DLEU7: variants seen among roughly 807,000 people sequenced by gnomAD.
DLEU7 encodes leukemia-associated protein 7.
A neutral mutation model predicts 16.0 loss-of-function variants in DLEU7; 17 were observed. The observed-to-expected ratio is 1.06, with a 90% CI of 0.73 to 1.59. DLEU7 has a LOEUF of 1.59. Among genes scored for constraint, DLEU7 ranks in the 40% most tolerant of loss-of-function variants. DLEU7 has a pLI of 0.00. For missense variants in DLEU7, 308 were observed against 314.9 expected (o/e 0.98, Z 0.17); for synonymous variants, 113 against 139.8 (o/e 0.81, Z 1.35).
intron 1 of DLEU7, among the ~76,000 whole-genome samples, chr13:50,755,117 T>G (rs1451191300): frequency 1.3e-5 from 2 of 152,234 alleles, no homozygotes. Context: ...TCATAGCTCT[T>G]AAGATTCCTT....
intron 1 of DLEU7, among the ~76,000 whole-genome samples, chr13:50,751,930 A>G (rs1874577928): frequency 6.6e-6 from 1 of 150,674 alleles, no homozygotes; most frequent in Non-Finnish European, 1.5e-5. Context: ...TGTTGTTTCA[A>G]TTTCATTTAG....
intron 1 of DLEU7, among the ~76,000 whole-genome samples, chr13:50,744,944 T>A (rs1226710440): frequency 6.6e-6 from 1 of 152,284 alleles, no homozygotes; most frequent in Non-Finnish European, 1.5e-5. Context: ...GTGGAGAAGT[T>A]GGGACCCTTG....
intron 1 of DLEU7, among the ~76,000 whole-genome samples, chr13:50,805,535 CAT>C (rs34942124): frequency 0.18 from 26,846 of 152,038 alleles, 2,757 homozygotes; most frequent in East Asian, 0.27. Flanking sequence ...ACCAATTATG[CAT>C]ATGTTTGATT....
intron 1 of DLEU7, among the ~76,000 whole-genome samples, chr13:50,773,349 C>T (rs552725914): frequency 6.6e-6 from 1 of 152,278 alleles, no homozygotes; most frequent in South Asian, 2.1e-4. Flanking sequence ...AGAAGAGGCT[C>T]TCTGGATTTT....
chr13:50,741,942 A>G (rs1358984253), intron 1 of DLEU7, among the ~76,000 whole-genome samples: 1 of 152,132 alleles, frequency 6.6e-6, no homozygotes, highest in Non-Finnish European at 1.5e-5. Context: ...CATTAGTATG[A>G]TTTTATTATG....
chr13:50,803,378 TTTTA>T (rs902082425), intron 1 of DLEU7, among the ~76,000 whole-genome samples: 1 of 152,208 alleles, frequency 6.6e-6, no homozygotes, highest in African/African-American at 2.4e-5. Flanking sequence ...CTTTGCCCTT[TTTTA>T]TTAGGTTGTT....
chr13:50,719,152 T>C (rs1361999995), intron 1 of DLEU7, among the ~76,000 whole-genome samples: 6 of 152,162 alleles, frequency 3.9e-5, no homozygotes, highest in African/African-American at 1.2e-4. Flanking sequence ...TCACTTGCAA[T>C]GTGGAAGGCC....
intron 1 of DLEU7, among the ~76,000 whole-genome samples, chr13:50,809,086 C>T (rs80239976): frequency 9.2e-5 from 14 of 152,074 alleles, no homozygotes; most frequent in African/African-American, 3.4e-4. Context: ...TTGACTGACC[C>T]AGGCCTAAAA....
intron 1 of DLEU7, among the ~76,000 whole-genome samples, chr13:50,758,225 T>C (rs968684112): frequency 6.6e-6 from 1 of 152,080 alleles, no homozygotes; most frequent in South Asian, 2.1e-4. Context: ...GGAAAATAGA[T>C]AATTTTTGAA....
At chr13:50,798,642 T>G (rs1230412249) in intron 1 of DLEU7, among the ~76,000 whole-genome samples, 1 of 152,206 alleles carries the variant, frequency 6.6e-6, no homozygotes, top group Non-Finnish European at 1.5e-5. Context: ...GCTATTTGGC[T>G]GCTCCCAACA....
chr13:50,843,812 C>G (rs564420556), upstream of DLEU7: 1 of 937,952 alleles, frequency 1.1e-6, no homozygotes, highest in Non-Finnish European at 1.5e-6. This position sits in a 1 kb window ranked among gnomAD's most constrained non-coding sequence, Gnocchi z 5.7. Context: ...ATCGGTGACC[C>G]GTGCTGGCCT....
At chr13:50,799,834 T>C (rs11148197) in intron 1 of DLEU7, among the ~76,000 whole-genome samples, 7,541 of 152,312 alleles carry the variant, frequency 0.05, 277 homozygotes, top group East Asian at 0.2. Flanking sequence ...GATTGCTAAC[T>C]GTATTGCATT....
At chr13:50,718,383 T>G (rs749313860) in intron 1 of DLEU7, among the ~76,000 whole-genome samples, 2 of 152,190 alleles carry the variant, frequency 1.3e-5, no homozygotes, top group African/African-American at 2.4e-5. Flanking sequence ...AGATCAAAGA[T>G]GGAGACTCCA....
At chr13:50,777,963 C>A (rs935781377) in intron 1 of DLEU7, among the ~76,000 whole-genome samples, 15 of 152,206 alleles carry the variant, frequency 9.9e-5, no homozygotes, top group African/African-American at 3.6e-4. Context: ...CATTTCCAGA[C>A]CTATCTCTTA....
At position 50,726,458 on chromosome 13, in the gene DLEU7, A is replaced by G. The variant is rs1017962518; in HGVS notation, c.460-13218T>C. On this transcript the variant is annotated intron_variant, in intron 1 of 1. Coordinates refer to the DLEU7 transcript ENST00000400393. The surrounding 1 kb of genome is among the most constrained non-coding windows in gnomAD (Gnocchi z 4.0). The stretch of plus-strand genomic sequence containing the variant: ...CACAGGCTTCCATTTAACCAGAAAT[A>G]CATGTTTTTTAACTTAAATTTCCCT... 6.6e-6 allele frequency among the ~76,000 whole-genome samples: 1 copy of G among 152,188 alleles called. No homozygotes were observed. Among genetic ancestry groups the G allele is most frequent in the Admixed American group, 6.5e-5 (1 of 15,290 alleles).
chr13:50,822,752 ACTCTT>A, downstream of DLEU7: 5 of 985,376 alleles, frequency 5.1e-6, no homozygotes, highest in Non-Finnish European at 6.0e-6. Flanking sequence ...TTTAGAAGCA[ACTCTT>A]CTCTGCTCAA....
intron 1 of DLEU7, among the ~76,000 whole-genome samples, chr13:50,748,228 CTTTTTTTTT>C (rs71085044): frequency 1.2e-4 from 11 of 89,254 alleles, no homozygotes; most frequent in African/African-American, 3.4e-4. Context: ...ACTCCTTAAA[CTTTTTTTTT>C]TTTTTTTTTT....
intron 1 of DLEU7, among the ~76,000 whole-genome samples, chr13:50,782,258 C>T (rs145397128): frequency 6.6e-6 from 1 of 152,266 alleles, no homozygotes; most frequent in East Asian, 1.9e-4. Context: ...CAGTGACTGG[C>T]ATGGTTCCTG....
At chr13:50,774,594 A>T (rs1479617442) in intron 1 of DLEU7, among the ~76,000 whole-genome samples, 1 of 152,042 alleles carries the variant, frequency 6.6e-6, no homozygotes, top group Non-Finnish European at 1.5e-5. Flanking sequence ...CACTTACCCT[A>T]TTTGGGATTT....
Sources: allele counts gnomAD v4.1 joint callset (sites outside exome capture counted in the v4.1 genomes callset), GRCh38; gene constraint gnomAD v4.1.1; non-coding constraint Gnocchi (gnomAD v3.1); transcripts MANE v1.5; gene names NCBI Gene and HGNC (gene_info 2026-07-23, HGNC 2026-07-21).